Variants in MDGA2 observed in about 807,000 individuals in gnomAD.
The protein encoded by MDGA2 is MAM domain containing glycosylphosphatidylinositol anchor 2.
Under a neutral mutation model 117.8 loss-of-function variants are expected in MDGA2, and 40 were observed. The ratio of observed to expected loss-of-function variants is 0.34; its 90% confidence interval spans 0.26 to 0.44. The LOEUF is 0.44. Ranked by LOEUF, MDGA2 falls within the 20% of genes least tolerant of loss-of-function variation. MDGA2 has a pLI of 1.00. For missense variants in MDGA2, 1,123 were observed against 1,250.6 expected, an observed-to-expected ratio of 0.90 and a Z score of 1.54; for synonymous variants, 452 against 439.0, an observed-to-expected ratio of 1.03 and a Z score of -0.37.
At chr14:47,297,336 C>G (rs1447874293) in intron 2 of MDGA2, among the ~76,000 whole-genome samples, 2 of 147,730 alleles carry the variant, frequency 1.4e-5, no homozygotes, top group East Asian at 4.0e-4. Flanking sequence ...AAGTCATTTA[C>G]AAGAAGACTA....
intron 1 of MDGA2, among the ~76,000 whole-genome samples, chr14:47,609,553 G>C (rs1013726560): frequency 6.7e-6 from 1 of 148,170 alleles, no homozygotes; most frequent in African/African-American, 2.5e-5. Context: ...AAAAATGTGT[G>C]TGCTAGTATC....
chr14:46,952,727 G>T (rs912721528), intron 9 of MDGA2, among the ~76,000 whole-genome samples: 1 of 151,906 alleles, frequency 6.6e-6, no homozygotes, highest in Non-Finnish European at 1.5e-5. Flanking sequence ...TCAGAATAAA[G>T]TAACATGTGA....
intron 3 of MDGA2, among the ~76,000 whole-genome samples, chr14:47,187,435 A>G (rs1454263933): frequency 6.6e-6 from 1 of 152,064 alleles, no homozygotes; most frequent in Non-Finnish European, 1.5e-5. Flanking sequence ...ACTTACATGC[A>G]TTTTTAGCAA....
intron 3 of MDGA2, among the ~76,000 whole-genome samples, chr14:47,167,024 T>C (rs761402416): frequency 9.2e-5 from 14 of 151,956 alleles, no homozygotes; most frequent in Non-Finnish European, 1.6e-4. Context: ...ACTCAGAAAA[T>C]TGGGAAAAAT....
intron 10 of MDGA2, among the ~76,000 whole-genome samples, chr14:46,893,608 AT>A: frequency 6.6e-6 from 1 of 152,108 alleles, no homozygotes; most frequent in Non-Finnish European, 1.5e-5. Flanking sequence ...GTATATTTAT[AT>A]CAAAACATCA....
intron 1 of MDGA2, among the ~76,000 whole-genome samples, chr14:47,438,849 T>G (rs1892947641): frequency 6.6e-6 from 1 of 152,118 alleles, no homozygotes; most frequent in Non-Finnish European, 1.5e-5. Context: ...AAAAAGTCTC[T>G]CTCTGCTTCA....
At chr14:47,279,846 G>T (rs1019923458) in intron 2 of MDGA2, among the ~76,000 whole-genome samples, 1 of 151,900 alleles carries the variant, frequency 6.6e-6, no homozygotes, top group Non-Finnish European at 1.5e-5. Flanking sequence ...TAGACAACTG[G>T]TCCTGGTATT....
At chr14:47,423,180 T>C (rs1255914691) in intron 1 of MDGA2, among the ~76,000 whole-genome samples, 2 of 152,208 alleles carry the variant, frequency 1.3e-5, no homozygotes, top group African/African-American at 4.8e-5. Context: ...TTTATCCCCA[T>C]TGATAGTATC....
intron 2 of MDGA2, among the ~76,000 whole-genome samples, chr14:47,297,497 G>GGGAAA (rs1430915699): frequency 2.9e-5 from 4 of 137,418 alleles, no homozygotes; most frequent in Non-Finnish European, 6.4e-5. Context: ...GGGGTGTGAA[G>GGGAAA]GGAAGGGAAG....
intron 10 of MDGA2, among the ~76,000 whole-genome samples, chr14:46,895,844 C>T (rs996396907): frequency 6.6e-6 from 1 of 152,110 alleles, no homozygotes; most frequent in Non-Finnish European, 1.5e-5. Flanking sequence ...TTTGATTCTG[C>T]AATGCCGCCT....
chr14:47,374,569 T>A (rs1366142067), intron 1 of MDGA2, among the ~76,000 whole-genome samples: 1 of 152,086 alleles, frequency 6.6e-6, no homozygotes, highest in Admixed American at 6.6e-5. Flanking sequence ...CAGTACAGAG[T>A]TTGCCAAACG....
intron 2 of MDGA2, among the ~76,000 whole-genome samples, chr14:47,287,871 T>C (rs758538002): frequency 1.3e-5 from 2 of 152,026 alleles, no homozygotes; most frequent in African/African-American, 2.4e-5. Context: ...GAAAACCCCA[T>C]GTGAAGACAA....
At chr14:47,312,263 T>C (rs1889659381) in intron 1 of MDGA2, among the ~76,000 whole-genome samples, 2 of 152,142 alleles carry the variant, frequency 1.3e-5, no homozygotes, top group Non-Finnish European at 1.5e-5. Flanking sequence ...TGTGGCAATG[T>C]GGCATGGTAC....
At chr14:47,350,002 T>C (rs189343034) in intron 1 of MDGA2, among the ~76,000 whole-genome samples, 1 of 152,364 alleles carries the variant, frequency 6.6e-6, no homozygotes, top group Non-Finnish European at 1.5e-5. Context: ...AAGCTTCATT[T>C]CAGGAAATAG....
At chr14:47,543,131 G>C (rs1473211961) in intron 1 of MDGA2, among the ~76,000 whole-genome samples, 1 of 152,124 alleles carries the variant, frequency 6.6e-6, no homozygotes, top group East Asian at 1.9e-4. Context: ...AATCACTTGA[G>C]CCTGGGAGGT....
At chr14:47,070,785 T>C (rs992475065) in intron 6 of MDGA2, among the ~76,000 whole-genome samples, 3 of 152,186 alleles carry the variant, frequency 2.0e-5, no homozygotes, top group Admixed American at 2.0e-4. Flanking sequence ...TTTGTATTTT[T>C]TTGGTAGAGA....
At chr14:47,120,388 A>G (rs1881587122) in intron 5 of MDGA2, among the ~76,000 whole-genome samples, 1 of 152,208 alleles carries the variant, frequency 6.6e-6, no homozygotes, top group Non-Finnish European at 1.5e-5. Flanking sequence ...AATGTGATTG[A>G]AAATGCAATC....
intron 1 of MDGA2, among the ~76,000 whole-genome samples, chr14:47,510,100 A>G (rs1374241575): frequency 6.6e-6 from 1 of 152,090 alleles, no homozygotes; most frequent in African/African-American, 2.4e-5. Context: ...AGGAGGTGGG[A>G]CTTTGGGAGG....
At chr14:47,040,742 C>G (rs1355138998) in intron 7 of MDGA2, among the ~76,000 whole-genome samples, 1 of 152,184 alleles carries the variant, frequency 6.6e-6, no homozygotes, top group Non-Finnish European at 1.5e-5. Context: ...TGGTTACTTA[C>G]TCTTCCTGAC....
Sources: gnomAD v4.1 joint callset for allele counts (sites outside exome capture counted in the v4.1 genomes callset) on GRCh38, gnomAD v4.1.1 for gene constraint, MANE v1.5 for transcripts, NCBI Gene and HGNC (gene_info 2026-07-23, HGNC 2026-07-21) for gene names.